The following PATJ variants were observed in gnomAD, a reference collection of about 807,000 sequenced individuals.
PATJ encodes the protein PATJ crumbs cell polarity complex component.
In PATJ, 190 loss-of-function variants were observed where a neutral mutation model predicts 224.9. That is an observed-to-expected ratio of 0.84 (90% CI 0.75 to 0.95). The LOEUF (loss-of-function observed/expected upper bound fraction) is 0.95. Among genes scored for constraint, PATJ ranks in the 40% least tolerant of loss-of-function variants. PATJ has a pLI of 0.00. For missense variants in PATJ, 2,121 were observed against 2,270.3 expected, an observed-to-expected ratio of 0.93 and a Z score of 1.34; for synonymous variants, 769 against 820.3, an observed-to-expected ratio of 0.94 and a Z score of 1.07.
intron 1 of PATJ, 57 bp from the exon 2 acceptor site, chr1:61,762,801 G>T: frequency 1.4e-6 from 1 of 737,880 alleles, no homozygotes; most frequent in African/African-American, 1.8e-5. Context: ...TTTTCTACAG[G>T]ATTGTAGCCA....
chr1:62,141,320 T>C (rs1667471078), intron 41 of PATJ, among the ~76,000 whole-genome samples: 1 of 152,118 alleles, frequency 6.6e-6, no homozygotes, highest in African/African-American at 2.4e-5. Flanking sequence ...ATGGAAATAA[T>C]AGCAGGGACT....
rs963965204 is a variant in PATJ at position 61,787,673 on chromosome 1, A to T, written c.850-81A>T. Reference sequence around the variant, plus strand: ...GCTTCTTTGTCAGCCATTTTGCCAGAGCTGAAAGTCTGATGAATTGTTATT... The same window carrying T: ...GCTTCTTTGTCAGCCATTTTGCCAGTGCTGAAAGTCTGATGAATTGTTATT... On this transcript the variant is annotated intron_variant, in intron 7 of 43. Transcript: ENST00000642238. 8 of 1,050,342 alleles carry T rather than the reference A, an allele frequency of 7.6e-6. No individual in the cohort carries two copies. The African/African-American group carries it at 1.3e-4, about 16-fold the overall frequency. The allele number at this position is 1,050,342 out of a possible 1,614,324, so 65.1% of individuals were successfully genotyped here. A position where few individuals can be genotyped will look rare whatever the true frequency, so the allele number is the denominator to read the frequency against.
chr1:61,880,219 C>T (rs758079931), intron 21 of PATJ, among the ~76,000 whole-genome samples: 1 of 152,202 alleles, frequency 6.6e-6, no homozygotes, highest in Non-Finnish European at 1.5e-5. Flanking sequence ...CATTCTGTAT[C>T]TCTCTCCACT....
At chr1:62,084,752 T>C (rs1005322321) in intron 33 of PATJ, 104 bp downstream of exon 33, 1 of 1,125,584 alleles carries the variant, frequency 8.9e-7, no homozygotes, top group African/African-American at 1.6e-5. Context: ...TTTCATAGTA[T>C]GAGGAGAAAA....
chr1:62,067,129 T>C (rs575149582), intron 31 of PATJ, among the ~76,000 whole-genome samples: 12,493 of 140,622 alleles, frequency 0.089, 1,267 homozygotes, highest in African/African-American at 0.26. Flanking sequence ...CTTTCTTTTT[T>C]TTTTTTTTTT....
chr1:61,778,532 C>G (rs1647064246), intron 7 of PATJ, among the ~76,000 whole-genome samples: 1 of 151,974 alleles, frequency 6.6e-6, no homozygotes, highest in Admixed American at 6.6e-5. Flanking sequence ...ATTATAATAC[C>G]CCTCCCCTTT....
chr1:61,988,922 A>G (rs1644912652), intron 27 of PATJ, among the ~76,000 whole-genome samples: 1 of 152,202 alleles, frequency 6.6e-6, no homozygotes, highest in African/African-American at 2.4e-5. Flanking sequence ...CATTAGAATG[A>G]GCATTTAGGG....
chr1:61,771,617 G>C lies in PATJ; in HGVS notation c.711G>C (p.Leu237=). The C allele has an allele frequency of 6.3e-7, 1 of 1,574,852 alleles. No homozygotes were observed. The highest frequency in any genetic ancestry group is 1.2e-5 in the South Asian group (1 of 84,404). The change falls in exon 6 of 44, where the codon CTG becomes CTC. Residue 237 remains leucine (L), a synonymous_variant. Transcript: ENST00000642238. Reference sequence around the variant, plus strand: ...CTAGCAGCCTAAATGATACAACTCTGCCTGAAACAGTGAGTTGCAAATTTG... The same window carrying C: ...CTAGCAGCCTAAATGATACAACTCTCCCTGAAACAGTGAGTTGCAAATTTG... ...STSSSLNDTT[L]PETVCWGHVE...
intron 17 of PATJ, among the ~76,000 whole-genome samples, chr1:61,839,810 C>A (rs1660784468): frequency 6.6e-6 from 1 of 152,028 alleles, no homozygotes; most frequent in Admixed American, 6.6e-5. Context: ...TTCCTCTCCC[C>A]TCTTGAGTGA....
At chr1:61,983,850 G>C (rs1048224235) in intron 27 of PATJ, among the ~76,000 whole-genome samples, 5 of 151,898 alleles carry the variant, frequency 3.3e-5, no homozygotes, top group Admixed American at 2.6e-4. Context: ...CTAGAGACAG[G>C]GTCTTGCTCT....
chr1:61,799,070 A>C (rs1388583277), intron 11 of PATJ, among the ~76,000 whole-genome samples: 1 of 152,198 alleles, frequency 6.6e-6, no homozygotes, highest in Non-Finnish European at 1.5e-5. Context: ...TTTATGTGAT[A>C]GTAGAACTTT....
At chr1:61,985,961 G>A (rs1443373749) in intron 27 of PATJ, among the ~76,000 whole-genome samples, 2 of 151,852 alleles carry the variant, frequency 1.3e-5, no homozygotes, top group African/African-American at 2.4e-5. Flanking sequence ...AACATTATTT[G>A]GACTCCTATC....
At position 61,833,768 on chromosome 1, in the gene PATJ, A is replaced by G. The variant is rs1570778798; in HGVS notation, c.2095A>G (p.Ser699Gly). The part of the protein sequence containing the change: ...LVKDCKGLGF[S>G]ILDYQDPLDP... Reference sequence around the variant, plus strand: ...AAAAGATTGTAAAGGTTTGGGATTCAGCATTTTGGATTACCAGGTATAAGA... The same window carrying G: ...AAAAGATTGTAAAGGTTTGGGATTCGGCATTTTGGATTACCAGGTATAAGA... Residue 699 changes from serine to glycine, a missense_variant, in exon 17 of 44, where the codon AGC (serine) becomes GGC (glycine). Physicochemically the swap from Ser to Gly is moderately conservative, Grantham distance 56. Transcript: ENST00000642238. 1.2e-6 allele frequency: 2 copies of G among 1,613,274 alleles called. No individual in the cohort carries two copies. The highest frequency in any genetic ancestry group is 1.7e-6 in the Non-Finnish European group (2 of 1,179,590).
chr1:62,090,434 A>G (rs1660590501), intron 33 of PATJ, among the ~76,000 whole-genome samples: 1 of 152,170 alleles, frequency 6.6e-6, no homozygotes, highest in African/African-American at 2.4e-5. Context: ...TTTAGTGATT[A>G]TGGTCTAATA....
At chr1:61,870,872 C>G (rs1157322365) in intron 20 of PATJ, among the ~76,000 whole-genome samples, 2 of 152,152 alleles carry the variant, frequency 1.3e-5, no homozygotes, top group Non-Finnish European at 2.9e-5. Flanking sequence ...AATTTCTCCA[C>G]AGTCTCTCCA....
intron 27 of PATJ, among the ~76,000 whole-genome samples, chr1:61,941,581 G>C (rs1677827828): frequency 6.6e-6 from 1 of 152,138 alleles, no homozygotes; most frequent in Non-Finnish European, 1.5e-5. Context: ...AGCTGCGGAG[G>C]TGGAAGTTGC....
At chr1:62,067,456 TA>T in intron 31 of PATJ, among the ~76,000 whole-genome samples, 1 of 152,218 alleles carries the variant, frequency 6.6e-6, no homozygotes, top group East Asian at 1.9e-4. Flanking sequence ...GGCCTTTCAT[TA>T]CTCTTACAAA....
chr1:61,801,885 G>T, intron 12 of PATJ, 116 bp downstream of exon 12: 1 of 675,656 alleles, frequency 1.5e-6, no homozygotes, highest in Non-Finnish European at 2.2e-6. Flanking sequence ...ACATAAAATA[G>T]GATATTCTTA....
intron 14 of PATJ, among the ~76,000 whole-genome samples, chr1:61,816,023 T>C (rs1305163923): frequency 1.3e-5 from 2 of 152,194 alleles, no homozygotes; most frequent in African/African-American, 2.4e-5. Flanking sequence ...ATATCGCTTG[T>C]GTGGGAAACA....
Sources: allele counts gnomAD v4.1 joint callset (sites outside exome capture counted in the v4.1 genomes callset), GRCh38; gene constraint gnomAD v4.1.1; transcripts MANE v1.5; gene names NCBI Gene and HGNC (gene_info 2026-07-23, HGNC 2026-07-21).